Variants in WWOX observed in about 807,000 individuals in gnomAD.
WWOX encodes the protein WW domain-containing oxidoreductase.
A neutral mutation model predicts 46.2 loss-of-function variants in WWOX; 69 were observed. That is an observed-to-expected ratio of 1.49 (90% confidence interval 1.23 to 1.82). The LOEUF is 1.82. Among genes scored for constraint, WWOX ranks in the 40% most tolerant of loss-of-function variants. The pLI is 0.00. For synonymous variants in WWOX, 359 were observed against 202.6 expected (o/e 1.77, Z -6.56); for missense variants, 919 against 542.6 (o/e 1.69, Z -6.89).
chr16:78,548,152 CAAAAAAAAA>C (rs11320544), intron 8 of WWOX, among the ~76,000 whole-genome samples: 1 of 34,274 alleles, frequency 2.9e-5, no homozygotes, highest in Middle Eastern at 0.024. Context: ...AAGACTGTCT[CAAAAAAAAA>C]AAAAAAAAAA....
chr16:78,340,018 G>T (rs76872500), intron 5 of WWOX, among the ~76,000 whole-genome samples: 184 of 14,666 alleles, frequency 0.013, 53 homozygotes, highest in Non-Finnish European at 0.021. Context: ...TGGATTTGGT[G>T]GGGGGGGGGG....
intron 8 of WWOX, among the ~76,000 whole-genome samples, chr16:79,094,913 AT>A (rs373769291): frequency 7.8e-4 from 119 of 151,802 alleles, no homozygotes; most frequent in African/African-American, 2.8e-3. Context: ...GTCGTGGGCG[AT>A]TTTTTTCACT....
chr16:79,092,153 T>G (rs1048829285), intron 8 of WWOX, among the ~76,000 whole-genome samples: 4 of 152,290 alleles, frequency 2.6e-5, no homozygotes, highest in Non-Finnish European at 5.9e-5. Context: ...TAGGGGAGTT[T>G]GCCTGTGTGC....
chr16:78,329,092 C>G (rs961977026), intron 5 of WWOX, among the ~76,000 whole-genome samples: 3 of 152,152 alleles, frequency 2.0e-5, no homozygotes, highest in Non-Finnish European at 4.4e-5. Context: ...GATTCCTGAT[C>G]TCACATGATT....
intron 8 of WWOX, among the ~76,000 whole-genome samples, chr16:79,054,663 A>C (rs750242377): frequency 5.3e-5 from 8 of 152,116 alleles, no homozygotes; most frequent in Non-Finnish European, 8.8e-5. Context: ...CTCTATGAAA[A>C]AATGAAAAAT....
chr16:78,160,703 G>A (rs964496749), intron 4 of WWOX, among the ~76,000 whole-genome samples: 2 of 152,076 alleles, frequency 1.3e-5, no homozygotes, highest in Non-Finnish European at 2.9e-5. Flanking sequence ...ACTTGCTTTT[G>A]CCCCTGCAAA....
intron 8 of WWOX, among the ~76,000 whole-genome samples, chr16:79,112,347 C>G (rs1157611710): frequency 6.6e-6 from 1 of 152,112 alleles, no homozygotes; most frequent in African/African-American, 2.4e-5. Flanking sequence ...ATTTTTGAGG[C>G]TCATGACAGA....
intron 8 of WWOX, among the ~76,000 whole-genome samples, chr16:79,092,458 C>G (rs1009850689): frequency 6.6e-6 from 1 of 152,142 alleles, no homozygotes; most frequent in Non-Finnish European, 1.5e-5. Context: ...CACCCTTGCT[C>G]ATCACCATCT....
At chr16:78,840,212 T>C (rs1387101870) in intron 8 of WWOX, among the ~76,000 whole-genome samples, 1 of 152,192 alleles carries the variant, frequency 6.6e-6, no homozygotes, top group Admixed American at 6.6e-5. Context: ...ATAAAATAAT[T>C]ACCATCACTA....
chr16:78,848,837 C>T (rs2052366567), intron 8 of WWOX, among the ~76,000 whole-genome samples: 1 of 151,792 alleles, frequency 6.6e-6, no homozygotes, highest in Admixed American at 6.6e-5. Flanking sequence ...TTTTTAACCT[C>T]CTCTGAGATT....
Position 78,136,519 on chromosome 16 carries a change from A to G in WWOX, c.409+21365A>G, listed in dbSNP as rs545237916. ...CTTTCAAATCTAGAGGACAAAACCTAATAAAGTGCTGTCATATCACATCTG... is the reference window on the plus strand; with the variant it reads ...CTTTCAAATCTAGAGGACAAAACCTGATAAAGTGCTGTCATATCACATCTG... On this transcript the variant is annotated intron_variant, in intron 4 of 8. Coordinates refer to ENST00000566780, the MANE Select transcript of WWOX (RefSeq NM_016373.4). 3.3e-5 allele frequency among the ~76,000 whole-genome samples: 5 copies of G among 152,292 alleles called. No homozygotes were observed. The South Asian group carries it at 1.0e-3, about 32-fold the overall frequency.
At chr16:78,478,865 G>A (rs1250068722) in intron 8 of WWOX, among the ~76,000 whole-genome samples, 1 of 151,936 alleles carries the variant, frequency 6.6e-6, no homozygotes, top group Non-Finnish European at 1.5e-5. Context: ...AGCCCTTTCT[G>A]AATAAGCTGA....
intron 8 of WWOX, among the ~76,000 whole-genome samples, chr16:78,854,593 T>TTG (rs1426531155): frequency 6.6e-6 from 1 of 152,234 alleles, no homozygotes; most frequent in Non-Finnish European, 1.5e-5. Context: ...TTTCTTTTTT[T>TTG]TCTTTGAAGC....
chr16:78,378,268 T>C (rs2081876628), intron 5 of WWOX, among the ~76,000 whole-genome samples: 1 of 152,126 alleles, frequency 6.6e-6, no homozygotes, highest in African/African-American at 2.4e-5. Flanking sequence ...GAAGAGACTC[T>C]CAAACTCCCC....
intron 8 of WWOX, among the ~76,000 whole-genome samples, chr16:78,828,701 G>A (rs751928704): frequency 8.6e-5 from 13 of 152,046 alleles, no homozygotes; most frequent in Admixed American, 5.9e-4. Flanking sequence ...TATGTGCAGG[G>A]AACTGTATTA....
rs958238094 is a variant in WWOX, at chr16:78,422,802, T to C, written c.606-2068T>C. Among the ~76,000 whole-genome samples the C allele has an allele frequency of 1.1e-3, 122 of 106,522 alleles. 2 individuals carry two copies. Among genetic ancestry groups the C allele is most frequent in the African/African-American group, 5.9e-3 (88 of 14,984 alleles). The allele number at this position is 106,522 out of a possible 152,430, so 69.9% of individuals were successfully genotyped here. The stretch of plus-strand genomic sequence containing the variant: ...ATATATATACACACACACATATATA[T>C]ACACACACATATATATACACACACA... On this transcript the variant is annotated intron_variant, in intron 6 of 8. Transcript: ENST00000566780.
In WWOX at chr16:78,832,926, C is replaced by T. The variant is rs930195687; in HGVS notation, c.1057-378682C>T. The stretch of plus-strand genomic sequence containing the variant: ...TTTCTCTCTGAAAGTAAGAAACTTT[C>T]TTTAAAGGATTTCTGCCATTTGGAC... On this transcript the variant is annotated intron_variant, in intron 8 of 8. Coordinates refer to ENST00000566780, the MANE Select transcript of WWOX (RefSeq NM_016373.4). Among the ~76,000 whole-genome samples the T allele has an allele frequency of 2.4e-4, 36 of 151,884 alleles. 1 individual carries two copies. The highest frequency in any genetic ancestry group is 5.9e-5 in the Non-Finnish European group (4 of 68,000).
intron 8 of WWOX, among the ~76,000 whole-genome samples, chr16:78,831,968 C>G (rs992129360): frequency 2.0e-5 from 3 of 152,184 alleles, no homozygotes; most frequent in Admixed American, 6.5e-5. Context: ...GCTCTTGTCA[C>G]TTTTGCCTGG....
intron 5 of WWOX, among the ~76,000 whole-genome samples, chr16:78,313,429 C>A (rs547358881): frequency 6.6e-6 from 1 of 152,128 alleles, no homozygotes; most frequent in Admixed American, 6.5e-5. Context: ...TACAGTGGTA[C>A]GATCTTAGCT....
Sources: gnomAD v4.1 joint callset for allele counts (sites outside exome capture counted in the v4.1 genomes callset) on GRCh38, gnomAD v4.1.1 for gene constraint, MANE v1.5 for transcripts, NCBI Gene and HGNC (gene_info 2026-07-23, HGNC 2026-07-21) for gene names.